ATP8B1: variants seen among roughly 807,000 people sequenced by gnomAD.
The protein encoded by ATP8B1 is ATPase phospholipid transporting 8B1, also known as phospholipid-transporting ATPase IC.
A neutral mutation model predicts 149.9 loss-of-function variants in ATP8B1; 80 were observed. That is an observed-to-expected ratio of 0.53 (90% confidence interval 0.45 to 0.64). The LOEUF (loss-of-function observed/expected upper bound fraction) is 0.64, where lower values mean the gene tolerates loss of function less well. Among genes scored for constraint, ATP8B1 ranks in the 30% least tolerant of loss-of-function variants. The pLI, the probability that ATP8B1 is intolerant of heterozygous loss-of-function variation, is 0.00. For missense variants in ATP8B1, 1,247 were observed against 1,552.6 expected (o/e 0.80, Z 3.31); for synonymous variants, 536 against 562.8 (o/e 0.95, Z 0.67).
chr18:57,699,977 G>A (rs867606620), intron 6 of ATP8B1, among the ~76,000 whole-genome samples: 39 of 152,306 alleles, frequency 2.6e-4, no homozygotes, highest in African/African-American at 8.7e-4. Flanking sequence ...CCCTGCAGTG[G>A]GGTCACACCT....
chr18:57,778,473 G>A (rs1184111471), intron 1 of ATP8B1, among the ~76,000 whole-genome samples: 1 of 151,770 alleles, frequency 6.6e-6, no homozygotes, highest in Non-Finnish European at 1.5e-5. Context: ...CTCGTGATCC[G>A]CCCGCCTCGC....
intron 19 of ATP8B1, 85 bp from the exon 20 acceptor site, chr18:57,667,252 C>T: frequency 1.8e-6 from 2 of 1,111,414 alleles, no homozygotes; most frequent in East Asian, 2.6e-5. Context: ...CATCTCACTC[C>T]CACTGCCTAG....
At chr18:57,773,745 A>G (rs1376068701) in intron 1 of ATP8B1, among the ~76,000 whole-genome samples, 1 of 152,156 alleles carries the variant, frequency 6.6e-6, no homozygotes, top group African/African-American at 2.4e-5. Context: ...CCAAACACCT[A>G]GAGTCATGCT....
At chr18:57,699,909 G>A (rs985343755) in intron 6 of ATP8B1, among the ~76,000 whole-genome samples, 1 of 152,176 alleles carries the variant, frequency 6.6e-6, no homozygotes, top group African/African-American at 2.4e-5. Context: ...GGAGCTCTGG[G>A]TTGCCTTGAA....
chr18:57,759,823 A>C (rs560749268), intron 1 of ATP8B1, among the ~76,000 whole-genome samples: 6 of 128,364 alleles, frequency 4.7e-5, no homozygotes, highest in Admixed American at 7.5e-5. Flanking sequence ...CGTCTCGGGA[A>C]AGAAAAAAAA....
intron 16 of ATP8B1, among the ~76,000 whole-genome samples, chr18:57,674,498 T>A (rs1911472351): frequency 1.3e-5 from 2 of 149,096 alleles, no homozygotes. Context: ...CATTCTCCTG[T>A]CTCAGCCTCC....
chr18:57,648,234 C>T lies in ATP8B1; in HGVS notation c.*254G>A, dbSNP rs1462757420. 3.5e-6 allele frequency: 2 copies of T among 574,752 alleles called. No individual in the cohort carries two copies. Among genetic ancestry groups the T allele is most frequent in the East Asian group, 3.1e-5 (1 of 32,640 alleles). The allele number at this position is 574,752 out of a possible 1,614,324, so 35.6% of individuals were successfully genotyped here. A position where few individuals can be genotyped will look rare whatever the true frequency, so the allele number is the denominator to read the frequency against. ...CTCCTGGCCTCAGGTGATCTCCCCT[C>T]CTCAGCCTCCTAAAGTGCTGGGATT... is the stretch of plus-strand genomic sequence containing the variant. On this transcript the variant is annotated 3_prime_UTR_variant, in exon 28 of 28. Coordinates refer to ENST00000648908, the MANE Select transcript of ATP8B1 (RefSeq NM_001374385.1).
At chr18:57,724,223 T>C (rs2079680854) in intron 2 of ATP8B1, among the ~76,000 whole-genome samples, 1 of 146,108 alleles carries the variant, frequency 6.8e-6, no homozygotes, top group Non-Finnish European at 1.5e-5. Flanking sequence ...CCAAAAGCAA[T>C]GGCAACAAAA....
intron 2 of ATP8B1, among the ~76,000 whole-genome samples, chr18:57,711,812 A>C (rs1418813554): frequency 6.6e-6 from 1 of 152,062 alleles, no homozygotes; most frequent in Non-Finnish European, 1.5e-5. Flanking sequence ...CTGGTCTTGA[A>C]CTGCTGCCCA....
intron 2 of ATP8B1, among the ~76,000 whole-genome samples, chr18:57,728,652 G>A (rs886974541): frequency 1.3e-5 from 2 of 151,586 alleles, no homozygotes; most frequent in East Asian, 1.9e-4. Flanking sequence ...TTTGAGAAGC[G>A]AGAACCACCC....
intron 16 of ATP8B1, among the ~76,000 whole-genome samples, chr18:57,674,247 AAAAAAAAAAAAG>A (rs1263922535): frequency 2.7e-5 from 4 of 149,228 alleles, no homozygotes; most frequent in Non-Finnish European, 3.0e-5. Flanking sequence ...ATCTCAAAAA[AAAAAAAAAAAAG>A]AAAAGAAAAG....
At chr18:57,746,104 G>A (rs972083506) in intron 1 of ATP8B1, among the ~76,000 whole-genome samples, 1 of 152,180 alleles carries the variant, frequency 6.6e-6, no homozygotes, top group African/African-American at 2.4e-5. Context: ...CTGCAGCTTT[G>A]TAAATAATAT....
At chr18:57,741,180 C>T (rs2079910744) in intron 1 of ATP8B1, among the ~76,000 whole-genome samples, 1 of 152,138 alleles carries the variant, frequency 6.6e-6, no homozygotes, top group African/African-American at 2.4e-5. Flanking sequence ...TTGGGATCCA[C>T]CCACCTTGGC....
chr18:57,716,221 G>T (rs941182858), intron 2 of ATP8B1, among the ~76,000 whole-genome samples: 12 of 151,866 alleles, frequency 7.9e-5, no homozygotes, highest in African/African-American at 2.9e-4. Context: ...TAAAAAGCAG[G>T]AAATTAAAGC....
At chr18:57,757,051 T>C (rs535111723) in intron 1 of ATP8B1, among the ~76,000 whole-genome samples, 2 of 152,296 alleles carry the variant, frequency 1.3e-5, no homozygotes. Context: ...ACAGCACCCA[T>C]CCCCTCCACG....
At chr18:57,782,441 T>C (rs2080365195) in intron 1 of ATP8B1, among the ~76,000 whole-genome samples, 1 of 152,214 alleles carries the variant, frequency 6.6e-6, no homozygotes, top group Non-Finnish European at 1.5e-5. Flanking sequence ...AGGCATCCTA[T>C]AAAGAGTAGA....
chr18:57,777,825 T>A (rs1337709574), intron 1 of ATP8B1, among the ~76,000 whole-genome samples: 2 of 152,194 alleles, frequency 1.3e-5, no homozygotes, highest in Admixed American at 1.3e-4. Flanking sequence ...CTACCTTGGC[T>A]TCCCAAAGTT....
chr18:57,755,103 A>G lies in ATP8B1; in HGVS notation c.-25-23271T>C, dbSNP rs928807610. Among the ~76,000 whole-genome samples the G allele has an allele frequency of 5.3e-5, 8 of 152,190 alleles. No homozygotes were observed. The East Asian group carries it at 1.5e-3, about 29-fold the overall frequency. ...ACCTCTGCCACAATATCCAGTGTAT[A>G]TCTTGCCAATAAGAGACACATTACA... is the stretch of plus-strand genomic sequence containing the variant. On this transcript the variant is annotated intron_variant, in intron 1 of 27. Transcript: ENST00000648908.
chr18:57,704,178 G>C (rs1461280631), intron 4 of ATP8B1, among the ~76,000 whole-genome samples: 1 of 152,156 alleles, frequency 6.6e-6, no homozygotes, highest in Non-Finnish European at 1.5e-5. Flanking sequence ...ATGTTAGCCA[G>C]GGTGGTCTGG....
Sources: gnomAD v4.1 joint callset for allele counts (sites outside exome capture counted in the v4.1 genomes callset) on GRCh38, gnomAD v4.1.1 for gene constraint, MANE v1.5 for transcripts, NCBI Gene and HGNC (gene_info 2026-07-23, HGNC 2026-07-21) for gene names.